Variants in DPYSL4 observed in about 807,000 individuals in gnomAD.
DPYSL4 encodes dihydropyrimidinase-related protein 4.
A neutral mutation model predicts 63.4 loss-of-function variants in DPYSL4; 43 were observed. The ratio of observed to expected loss-of-function variants is 0.68; its 90% confidence interval spans 0.53 to 0.88. The LOEUF (loss-of-function observed/expected upper bound fraction) is 0.88. DPYSL4 is among the 40% of genes least tolerant of loss of function. DPYSL4 has a pLI of 0.00. For synonymous variants in DPYSL4, 353 were observed against 331.7 expected (o/e 1.06, Z -0.70); for missense variants, 733 against 819.5 (o/e 0.89, Z 1.29).
At chr10:132,200,280 TCAG>T (rs917149389) in intron 8 of DPYSL4, 73 bp from the exon 9 acceptor site, 35 of 1,559,774 alleles carry the variant, frequency 2.2e-5, no homozygotes, top group Admixed American at 1.7e-4. Context: ...GTCGTGGGTG[TCAG>T]CAGCAGCAGT....
Position 132,205,458 on chromosome 10 carries a change from TGA to T in DPYSL4, c.*531_*532del. 6.5e-6 allele frequency: 1 copy of T among 153,008 alleles called. No homozygotes were observed. Among genetic ancestry groups the T allele is most frequent in the Non-Finnish European group, 1.5e-5 (1 of 68,478 alleles). The allele number at this position is 153,008 out of a possible 1,614,324, so 9.5% of individuals were successfully genotyped here. On this transcript the variant is annotated 3_prime_UTR_variant, in exon 14 of 14. Transcript: ENST00000338492. ...AGAGCCCTCCTGCTCACACAGCTGC[TGA>T]GACTTCAGGGACCCATCAGAACTTG...
chr10:132,201,001 C>T lies in DPYSL4; in HGVS notation c.1110+18C>T, dbSNP rs368154746. ...AATGTGTGGTGAGCACAGGCCTGGC[C>T]GGGGCACGCCGTCTGGGGAGCGGCT... is the stretch of plus-strand genomic sequence containing the variant. On this transcript the variant is annotated intron_variant, in intron 10 of 13. Transcript: ENST00000338492. The T allele has an allele frequency of 2.9e-5, 46 of 1,610,620 alleles. No individual in the cohort carries two copies. The highest frequency in any genetic ancestry group is 5.3e-5 in the African/African-American group (4 of 74,876).
intron 2 of DPYSL4, among the ~76,000 whole-genome samples, chr10:132,191,405 A>G (rs2061874797): frequency 7.3e-6 from 1 of 137,430 alleles, no homozygotes; most frequent in South Asian, 2.5e-4. Context: ...AGGCAGGTGC[A>G]AATAGTTCCC....
At chr10:132,187,133 C>T (rs766065700) in intron 1 of DPYSL4, 31 bp downstream of exon 1, 1 of 1,512,528 alleles carries the variant, frequency 6.6e-7, no homozygotes, top group Non-Finnish European at 8.9e-7. Context: ...CCCGGCGCCC[C>T]CTGCCCGCCG....
intron 4 of DPYSL4, 37 bp from the exon 5 acceptor site, chr10:132,196,824 G>T: frequency 6.2e-7 from 1 of 1,611,608 alleles, no homozygotes; most frequent in East Asian, 2.2e-5. Flanking sequence ...TGTCTGACTG[G>T]TGATGGCTGA....
chr10:132,189,466 G>A (rs1326413585), intron 1 of DPYSL4, among the ~76,000 whole-genome samples: 2 of 152,232 alleles, frequency 1.3e-5, no homozygotes, highest in Non-Finnish European at 2.9e-5. Flanking sequence ...TGACTGCCAA[G>A]CACTGGAGTC....
At chr10:132,190,874 G>A (rs375677803) in intron 2 of DPYSL4, 39 bp downstream of exon 2, 59 of 1,597,114 alleles carry the variant, frequency 3.7e-5, no homozygotes, top group East Asian at 6.7e-5. Flanking sequence ...TTCCCAGCTC[G>A]TGTGTACACG....
At chr10:132,201,284 T>C (rs547860480) in intron 10 of DPYSL4, among the ~76,000 whole-genome samples, 1 of 152,180 alleles carries the variant, frequency 6.6e-6, no homozygotes, top group Admixed American at 6.5e-5. Context: ...GCTGTGATGT[T>C]AGTGCTCCCC....
rs376803288 is a variant in DPYSL4, at chr10:132,204,904, C to T, written c.1693C>T (p.Arg565Cys). ...GAAGATCATGGCACCACCTGGCGGCCGCTCCAACATCACCTCTCTCTCCTA... is the reference window on the plus strand; with the variant it reads ...GAAGATCATGGCACCACCTGGCGGCTGCTCCAACATCACCTCTCTCTCCTA... The part of the protein sequence containing the change: ...AQKIMAPPGG[R>C]SNITSLS Residue 565 changes from arginine (R) to cysteine (C), a missense_variant, in exon 14 of 14, where the codon CGC (arginine) becomes TGC (cysteine). Arg to Cys is a radical substitution (Grantham distance 180, BLOSUM62 -3). Transcript: ENST00000338492. 25 of 1,612,182 alleles carry T rather than the reference C, an allele frequency of 1.6e-5. No homozygotes were observed. Among genetic ancestry groups the T allele is most frequent in the East Asian group, 4.5e-5 (2 of 44,834 alleles).
At position 132,195,023 on chromosome 10, in the gene DPYSL4, G is replaced by C; in HGVS notation, c.478+14G>C. On this transcript the variant is annotated intron_variant, in intron 4 of 13. Coordinates refer to ENST00000338492, the MANE Select transcript of DPYSL4 (RefSeq NM_006426.3). ...TCAAGGAGAAGGGTGAGGGTGGCTG[G>C]AGGGGCTGGAGGGCGGGCATGGAGC... The C allele has an allele frequency of 6.3e-7, 1 of 1,596,394 alleles. No individual in the cohort carries two copies. Among genetic ancestry groups the C allele is most frequent in the Non-Finnish European group, 8.5e-7 (1 of 1,177,782 alleles).
At chr10:132,202,578 G>A (rs973681639) in intron 11 of DPYSL4, 68 bp from the exon 12 acceptor site, 55 of 1,582,132 alleles carry the variant, frequency 3.5e-5, no homozygotes, top group South Asian at 5.8e-5. Context: ...GTGCTCCAGC[G>A]GCTCAACGGG....
chr10:132,205,677 C>T lies in DPYSL4; in HGVS notation c.*747C>T, dbSNP rs1389284476. The T allele has an allele frequency of 6.6e-6, 1 of 152,272 alleles. No individual in the cohort carries two copies. The highest frequency in any genetic ancestry group is 2.4e-5 in the African/African-American group (1 of 41,458). 9.4% of individuals were successfully genotyped at this position (152,272 alleles called of 1,614,324 possible). ...CACTGAGGACACTGTAGCCAGGAAC[C>T]TGTGCATGCCACCCACCGCCTGGAC... On this transcript the variant is annotated 3_prime_UTR_variant, in exon 14 of 14. Coordinates refer to ENST00000338492, the MANE Select transcript of DPYSL4 (RefSeq NM_006426.3).
chr10:132,200,746 T>C, intron 9 of DPYSL4, 96 bp from the exon 10 acceptor site: 1 of 1,504,558 alleles, frequency 6.6e-7, no homozygotes, highest in Non-Finnish European at 8.9e-7. Flanking sequence ...AGATGACCTC[T>C]AGCCCCTGCG....
chr10:132,203,714 C>T (rs746306787), intron 12 of DPYSL4, 48 bp from the exon 13 acceptor site: 1 of 1,471,774 alleles, frequency 6.8e-7, no homozygotes, highest in Non-Finnish European at 9.1e-7. Context: ...CCACAGCTGC[C>T]CAGGCTCAGC....
intron 3 of DPYSL4, 69 bp from the exon 4 acceptor site, chr10:132,194,776 C>T (rs2061920069): frequency 3.2e-6 from 5 of 1,567,746 alleles, no homozygotes; most frequent in Non-Finnish European, 4.3e-6. Context: ...AACAGAATCT[C>T]CCATGGAGGA....
intron 2 of DPYSL4, among the ~76,000 whole-genome samples, chr10:132,192,002 G>T (rs1178536910): frequency 3.1e-5 from 4 of 129,514 alleles, no homozygotes; most frequent in South Asian, 3.0e-4. Flanking sequence ...ATCCAGGCAG[G>T]TGAAAGTATG....
intron 4 of DPYSL4, among the ~76,000 whole-genome samples, chr10:132,196,616 G>T (rs1365048206): frequency 6.6e-6 from 1 of 152,254 alleles, no homozygotes; most frequent in Non-Finnish European, 1.5e-5. Flanking sequence ...TGGACAATCA[G>T]TTCCTAACCC....
At chr10:132,200,294 T>A in intron 8 of DPYSL4, 62 bp from the exon 9 acceptor site, 1 of 1,594,496 alleles carries the variant, frequency 6.3e-7, no homozygotes, top group South Asian at 1.1e-5. Flanking sequence ...CAGCAGCAGT[T>A]CTCGGGGCCC....
rs58570241 is a variant in DPYSL4, at chr10:132,189,393, C to A, written c.40-1354C>A. ...GTCATGCAGAGTCCCATCAGTGACA[C>A]CCTACTTTCTGCCTAATCTTCTGCT... On this transcript the variant is annotated intron_variant, in intron 1 of 13. Transcript: ENST00000338492. 9.8e-3 allele frequency among the ~76,000 whole-genome samples: 1,497 copies of A among 152,330 alleles called. 25 individuals carry two copies. Among genetic ancestry groups the A allele is most frequent in the African/African-American group, 0.033 (1,374 of 41,560 alleles).
Sources: gnomAD v4.1 joint callset for allele counts (sites outside exome capture counted in the v4.1 genomes callset) on GRCh38, gnomAD v4.1.1 for gene constraint, MANE v1.5 for transcripts, NCBI Gene and HGNC (gene_info 2026-07-23, HGNC 2026-07-21) for gene names.